Variants in SSB observed in about 807,000 individuals in gnomAD.
SSB encodes the protein small RNA binding exonuclease protection factor La, also known as lupus La protein.
In SSB, 17 loss-of-function variants were observed where a neutral mutation model predicts 52.9. The ratio of observed to expected loss-of-function variants is 0.32; its 90% CI spans 0.22 to 0.48. The LOEUF (loss-of-function observed/expected upper bound fraction) is 0.48, where lower values mean the gene tolerates loss of function less well. SSB is among the 20% of genes least tolerant of loss of function. SSB has a pLI of 0.99. For synonymous variants in SSB, 111 were observed against 152.1 expected (o/e 0.73, Z 1.99); for missense variants, 314 against 463.6 (o/e 0.68, Z 2.96).
chr2:169,805,870 T>C, intron 4 of SSB, 31 bp downstream of exon 4: 1 of 1,580,186 alleles, frequency 6.3e-7, no homozygotes, highest in Non-Finnish European at 8.6e-7. Context: ...TTTAAATATC[T>C]TACATTTATT....
At chr2:169,803,566 T>A (rs1002840960) in intron 2 of SSB, among the ~76,000 whole-genome samples, 2 of 151,898 alleles carry the variant, frequency 1.3e-5, no homozygotes, top group South Asian at 2.1e-4. Context: ...TTATAATTTT[T>A]AAAAAAATCA....
At chr2:169,811,463 G>C (rs990221494) in intron 11 of SSB, 140 bp downstream of exon 11, 4 of 1,288,692 alleles carry the variant, frequency 3.1e-6, no homozygotes, top group African/African-American at 1.5e-5. Flanking sequence ...GATTTACCTC[G>C]GTTATGCTGT....
intron 8 of SSB, 179 bp from the exon 9 acceptor site, chr2:169,810,101 TTTA>T (rs1036749587): frequency 4.5e-4 from 159 of 349,482 alleles, no homozygotes; most frequent in Non-Finnish European, 5.2e-4. Context: ...ACTTTATTTA[TTTA>T]TTATTATTAT....
chr2:169,810,813 A>G, intron 9 of SSB, 45 bp from the exon 10 acceptor site: 1 of 1,545,762 alleles, frequency 6.5e-7, no homozygotes, highest in Non-Finnish European at 8.7e-7. Context: ...TAATTGTGGG[A>G]CTAAAAACCA....
At position 169,811,700 on chromosome 2, in the gene SSB, AAAG is replaced by A. The variant is rs1268348896; in HGVS notation, c.1177_1179del (p.Glu393del). ...GAAAAGAGCAAGAGAAGAAACAGAC[AAAG>A]AAGAACCTGCATCCAAACAACAGAA... On this transcript the variant is annotated inframe_deletion, in exon 12 of 12. Coordinates refer to ENST00000260956, the MANE Select transcript of SSB (RefSeq NM_003142.5). 10 of 1,612,932 alleles carry A rather than the reference AAAG, an allele frequency of 6.2e-6. No homozygotes were observed. The highest frequency in any genetic ancestry group is 2.2e-5 in the South Asian group (2 of 90,956).
intron 2 of SSB, among the ~76,000 whole-genome samples, chr2:169,802,843 C>T (rs573874961): frequency 6.6e-6 from 1 of 152,290 alleles, no homozygotes; most frequent in South Asian, 2.1e-4. Flanking sequence ...TCCCTTTCCC[C>T]CGCTAAATAT....
chr2:169,805,108 C>T (rs1362820852), intron 2 of SSB, among the ~76,000 whole-genome samples: 5 of 151,680 alleles, frequency 3.3e-5, no homozygotes, highest in East Asian at 1.9e-4. Flanking sequence ...CCAGCCTGAG[C>T]GACAGAGTAA....
At chr2:169,800,643 G>A (rs1689694550) in intron 1 of SSB, among the ~76,000 whole-genome samples, 2 of 151,908 alleles carry the variant, frequency 1.3e-5, no homozygotes, top group Admixed American at 6.6e-5. Context: ...TGGTTGGTAA[G>A]TGATTGGAGT....
intron 1 of SSB, among the ~76,000 whole-genome samples, chr2:169,799,856 A>G (rs1320632364): frequency 6.6e-6 from 1 of 152,214 alleles, no homozygotes; most frequent in Non-Finnish European, 1.5e-5. Context: ...GAGTCAACTA[A>G]TGGCAATATT....
rs551551554 is a variant in SSB at position 169,810,767 on chromosome 2, T to G, written c.811-91T>G. On this transcript the variant is annotated intron_variant, in intron 9 of 11. Coordinates refer to ENST00000260956, the MANE Select transcript of SSB (RefSeq NM_003142.5). ...TCAAACTGGTAAAGACATGGAAGGTTTGCAGGGTAGAAAAAATTACTTTGG... is the reference window on the plus strand; with the variant it reads ...TCAAACTGGTAAAGACATGGAAGGTGTGCAGGGTAGAAAAAATTACTTTGG... The G allele has an allele frequency of 7.9e-6, 10 of 1,270,442 alleles. No homozygotes were observed. In the East Asian group the frequency reaches 1.9e-4, roughly 24 times the overall value. The allele number at this position is 1,270,442 out of a possible 1,614,324, so 78.7% of individuals were successfully genotyped here.
chr2:169,806,926 T>C (rs1438009634), intron 5 of SSB, 34 bp downstream of exon 5: 5 of 1,608,548 alleles, frequency 3.1e-6, no homozygotes, highest in Non-Finnish European at 4.2e-6. Context: ...AGTTTTAAAA[T>C]ATATGGGACA....
At chr2:169,807,760 T>A (rs200586283) in intron 6 of SSB, among the ~76,000 whole-genome samples, 106 of 132,450 alleles carry the variant, frequency 8.0e-4, no homozygotes, top group East Asian at 3.3e-3. Context: ...TTTTTTTTTT[T>A]ACAGTACAAA....
rs770342450 is a variant in SSB, at chr2:169,809,032, C to A, written c.669+130C>A. The A allele has an allele frequency of 1.1e-5, 8 of 754,938 alleles. No homozygotes were observed. The South Asian group carries it at 1.1e-4, about 11-fold the overall frequency. The allele number at this position is 754,938 out of a possible 1,614,324, so 46.8% of individuals were successfully genotyped here. Reference sequence around the variant, plus strand: ...ATAGTTGTTATTGCATTAAGTAATACATCAGGTATTATATTGAGGGAAAAG... The same window carrying A: ...ATAGTTGTTATTGCATTAAGTAATAAATCAGGTATTATATTGAGGGAAAAG... On this transcript the variant is annotated intron_variant, in intron 8 of 11. Transcript: ENST00000260956.
chr2:169,807,959 G>C (rs1027562923), intron 6 of SSB, among the ~76,000 whole-genome samples: 16 of 151,516 alleles, frequency 1.1e-4, no homozygotes, highest in Admixed American at 8.5e-4. Context: ...CACTGTGATG[G>C]GTCATAGTAT....
At position 169,811,937 on chromosome 2, in the gene SSB, C is replaced by T; in HGVS notation, c.*181C>T. 6.8e-7 allele frequency: 1 copy of T among 1,477,296 alleles called. No homozygotes were observed. The highest frequency in any genetic ancestry group is 9.3e-7 in the Non-Finnish European group (1 of 1,070,846). The allele number at this position is 1,477,296 out of a possible 1,614,324, so 91.5% of individuals were successfully genotyped here. A position where few individuals can be genotyped will look rare whatever the true frequency, so the allele number is the denominator to read the frequency against. On this transcript the variant is annotated 3_prime_UTR_variant, in exon 12 of 12. Coordinates refer to ENST00000260956, the MANE Select transcript of SSB (RefSeq NM_003142.5). ...ATGAGATTTCTTTGAATGTATTGTT[C>T]TGTTTGTGTTATTTCAGATGATTCA...
intron 11 of SSB, 72 bp from the exon 12 acceptor site, chr2:169,811,592 ATTAG>A: frequency 6.5e-7 from 1 of 1,545,514 alleles, no homozygotes; most frequent in Non-Finnish European, 8.7e-7. Context: ...CAGTATCATT[ATTAG>A]TAATTGTGCT....
At chr2:169,809,645 C>T (rs1043373854) in intron 8 of SSB, among the ~76,000 whole-genome samples, 2 of 151,462 alleles carry the variant, frequency 1.3e-5, no homozygotes, top group Admixed American at 1.3e-4. Flanking sequence ...GACCGAGTCT[C>T]ACTGTTGCCC....
intron 4 of SSB, 162 bp downstream of exon 4, chr2:169,806,001 C>T (rs890976017): frequency 2.0e-5 from 16 of 795,902 alleles, no homozygotes; most frequent in African/African-American, 5.1e-5. Flanking sequence ...GAGACAGTCT[C>T]ATCCTGTTGC....
intron 8 of SSB, among the ~76,000 whole-genome samples, chr2:169,809,200 G>A (rs1043487231): frequency 6.6e-6 from 1 of 152,182 alleles, no homozygotes; most frequent in Non-Finnish European, 1.5e-5. Context: ...GGCCAATATG[G>A]TGAAACCCCA....
Sources: allele counts gnomAD v4.1 joint callset (sites outside exome capture counted in the v4.1 genomes callset), GRCh38; gene constraint gnomAD v4.1.1; transcripts MANE v1.5; gene names NCBI Gene and HGNC (gene_info 2026-07-23, HGNC 2026-07-21).